The following DTD1 variants were observed in gnomAD, a reference collection of about 807,000 sequenced individuals.
The protein encoded by DTD1 is D-aminoacyl-tRNA deacylase 1, also known as D-tyrosyl-tRNA deacylase 1 homolog.
Under a neutral mutation model 25.6 loss-of-function variants are expected in DTD1, and 13 were observed. That is an observed-to-expected ratio of 0.51 (90% CI 0.33 to 0.81). DTD1 has a LOEUF of 0.81. DTD1 is among the 30% of genes least tolerant of loss of function. The probability of loss-of-function intolerance (pLI) is 0.02; values close to 1 mark genes in which losing one functional copy is unlikely to be tolerated. For missense variants in DTD1, 193 were observed against 266.4 expected (o/e 0.72, Z 1.92); for synonymous variants, 110 against 103.6 (o/e 1.06, Z -0.37).
At chr20:18,762,112 T>C (rs1256971918) in intron 5 of DTD1, among the ~76,000 whole-genome samples, 1 of 152,204 alleles carries the variant, frequency 6.6e-6, no homozygotes, top group East Asian at 1.9e-4. Flanking sequence ...GGCAGGGGAA[T>C]GAGGGCTGTT....
intron 4 of DTD1, among the ~76,000 whole-genome samples, chr20:18,727,594 G>T (rs147258481): frequency 6.6e-6 from 1 of 152,146 alleles, no homozygotes; most frequent in Non-Finnish European, 1.5e-5. Flanking sequence ...CACATGTGAA[G>T]TGCACAGTTC....
intron 3 of DTD1, among the ~76,000 whole-genome samples, chr20:18,614,295 T>C (rs1252582852): frequency 2.0e-5 from 3 of 152,138 alleles, no homozygotes; most frequent in Non-Finnish European, 4.4e-5. Flanking sequence ...GAAGCAGCCC[T>C]GTGGCAGTGC....
rs543443316 is a variant in DTD1, at chr20:18,699,962, G to A, written c.478-44138G>A. Among the ~76,000 whole-genome samples, 14 of 152,314 alleles carry A rather than the reference G, an allele frequency of 9.2e-5. No homozygotes were observed. The South Asian group carries it at 2.5e-3, about 27-fold the overall frequency. On this transcript the variant is annotated intron_variant, in intron 4 of 5. Coordinates refer to ENST00000377452, the MANE Select transcript of DTD1 (RefSeq NM_080820.6). ...CCAGCAAGTTACTGTTGGTAACATA[G>A]CATTAACTAATAATGAATCTGCAGG...
chr20:18,661,394 C>A (rs369569738), intron 4 of DTD1, among the ~76,000 whole-genome samples: 3 of 91,310 alleles, frequency 3.3e-5, no homozygotes, highest in African/African-American at 1.2e-4. Flanking sequence ...TTTTTTGGGA[C>A]AGAGTCTTGC....
intron 4 of DTD1, among the ~76,000 whole-genome samples, chr20:18,667,946 A>G (rs1211571526): frequency 6.6e-6 from 1 of 152,172 alleles, no homozygotes; most frequent in African/African-American, 2.4e-5. Context: ...CCCAAATGAG[A>G]AATGCTTATA....
intron 3 of DTD1, among the ~76,000 whole-genome samples, chr20:18,623,881 TG>T: frequency 6.7e-6 from 1 of 149,620 alleles, no homozygotes; most frequent in Non-Finnish European, 1.5e-5. Context: ...GAACTGTGTG[TG>T]TGTGTGTGTG....
chr20:18,726,160 A>C (rs6514922), intron 4 of DTD1, among the ~76,000 whole-genome samples: 49,983 of 152,052 alleles, frequency 0.33, 8,565 homozygotes, highest in Non-Finnish European at 0.38. Context: ...GGTGGAGTGG[A>C]GTCGCCTCTG....
intron 4 of DTD1, among the ~76,000 whole-genome samples, chr20:18,660,688 T>A (rs941021903): frequency 6.6e-6 from 1 of 152,202 alleles, no homozygotes; most frequent in African/African-American, 2.4e-5. Flanking sequence ...ATATAAAATA[T>A]TAAATAAATC....
chr20:18,701,484 A>G (rs1166311331), intron 4 of DTD1, among the ~76,000 whole-genome samples: 1 of 152,224 alleles, frequency 6.6e-6, no homozygotes, highest in Non-Finnish European at 1.5e-5. Flanking sequence ...GAATTTTTGC[A>G]TTATGCCTTT....
intron 4 of DTD1, chr20:18,631,861 G>C (rs1291385955): frequency 2.0e-6 from 2 of 984,980 alleles, no homozygotes; most frequent in Non-Finnish European, 2.4e-6. Context: ...TGGTAGAATA[G>C]TACATTTTGC....
intron 5 of DTD1, among the ~76,000 whole-genome samples, chr20:18,750,073 G>A (rs1398992065): frequency 1.3e-5 from 2 of 152,296 alleles, no homozygotes; most frequent in Non-Finnish European, 2.9e-5. Context: ...CTTCAGAGCC[G>A]CCCACAACTA....
intron 4 of DTD1, among the ~76,000 whole-genome samples, chr20:18,738,607 C>A (rs1362573502): frequency 6.6e-6 from 1 of 152,204 alleles, no homozygotes; most frequent in Non-Finnish European, 1.5e-5. Flanking sequence ...TTCCTCTCAC[C>A]TGTGTTTATT....
chr20:18,624,033 G>T (rs770083524), intron 3 of DTD1, among the ~76,000 whole-genome samples: 5 of 152,080 alleles, frequency 3.3e-5, no homozygotes, highest in Non-Finnish European at 7.4e-5. Flanking sequence ...CCATGGGGGT[G>T]CCCTGTCAGG....
At position 18,751,790 on chromosome 20, in the gene DTD1, G is replaced by A. The variant is rs114681242; in HGVS notation, c.*19+7519G>A. Among the ~76,000 whole-genome samples the A allele has an allele frequency of 5.2e-3, 791 of 151,828 alleles. 8 individuals carry two copies. Among genetic ancestry groups the A allele is most frequent in the African/African-American group, 0.018 (766 of 41,450 alleles). On this transcript the variant is annotated intron_variant, in intron 5 of 5. Coordinates refer to ENST00000377452, the MANE Select transcript of DTD1 (RefSeq NM_080820.6). ...ATTACAGGAGTGAGCCACCATGGCC[G>A]GCCTTTGTTTTTGAAGGATAATTTT...
At chr20:18,640,151 C>T (rs1234723508) in intron 4 of DTD1, among the ~76,000 whole-genome samples, 2 of 149,788 alleles carry the variant, frequency 1.3e-5, no homozygotes, top group Non-Finnish European at 3.0e-5. Context: ...AAAAAAAATT[C>T]CAAGCAAGAA....
chr20:18,757,868 C>G (rs967860815), intron 5 of DTD1, among the ~76,000 whole-genome samples: 6 of 152,206 alleles, frequency 3.9e-5, no homozygotes, highest in Admixed American at 3.3e-4. Flanking sequence ...CCTTGTACCT[C>G]TGGTAGGATT....
In DTD1 at chr20:18,706,097, C is replaced by G. The variant is rs78129936; in HGVS notation, c.478-38003C>G. Reference sequence around the variant, plus strand: ...TATCAGCAGTTGTGTGGTTTGTTGCCAAAGATTCAGCAGTTGTTGGTTCGT... The same window carrying G: ...TATCAGCAGTTGTGTGGTTTGTTGCGAAAGATTCAGCAGTTGTTGGTTCGT... On this transcript the variant is annotated intron_variant, in intron 4 of 5. Transcript: ENST00000377452. Among the ~76,000 whole-genome samples the G allele has an allele frequency of 1.2e-4, 18 of 152,236 alleles. No individual in the cohort carries two copies. In the East Asian group the frequency reaches 3.5e-3, roughly 29 times the overall value.
At chr20:18,664,896 C>A (rs2060925637) in intron 4 of DTD1, among the ~76,000 whole-genome samples, 1 of 152,144 alleles carries the variant, frequency 6.6e-6, no homozygotes, top group Middle Eastern at 3.4e-3. Context: ...CCCATCTTCC[C>A]CCACCTCTTC....
At chr20:18,615,104 C>A (rs944039858) in intron 3 of DTD1, among the ~76,000 whole-genome samples, 1 of 152,130 alleles carries the variant, frequency 6.6e-6, no homozygotes, top group African/African-American at 2.4e-5. Flanking sequence ...CCCTTCAGAC[C>A]AGGCCTGGAA....
Sources: gnomAD v4.1 joint callset for allele counts (sites outside exome capture counted in the v4.1 genomes callset) on GRCh38, gnomAD v4.1.1 for gene constraint, MANE v1.5 for transcripts, NCBI Gene and HGNC (gene_info 2026-07-23, HGNC 2026-07-21) for gene names.